GRID2: variants seen among roughly 807,000 people sequenced by gnomAD.
GRID2 encodes the protein glutamate ionotropic receptor delta type subunit 2, also known as glutamate receptor ionotropic, delta-2.
Under a neutral mutation model 114.8 loss-of-function variants are expected in GRID2, and 33 were observed. The observed-to-expected ratio is 0.29, with a 90% CI of 0.22 to 0.38. The LOEUF (loss-of-function observed/expected upper bound fraction) is 0.38, where lower values mean the gene tolerates loss of function less well. Ranked by LOEUF, GRID2 falls within the 10% of genes least tolerant of loss-of-function variation. The pLI is 1.00. For synonymous variants in GRID2, 505 were observed against 449.9 expected (o/e 1.12, Z -1.55); for missense variants, 1,184 against 1,257.7 (o/e 0.94, Z 0.89).
intron 13 of GRID2, among the ~76,000 whole-genome samples, chr4:93,548,004 T>A (rs1733388050): frequency 6.6e-6 from 1 of 151,908 alleles, no homozygotes. Context: ...TGGCGAAACC[T>A]GGTCTCTACT....
At chr4:93,554,031 A>G (rs1342154276) in intron 13 of GRID2, among the ~76,000 whole-genome samples, 1 of 152,166 alleles carries the variant, frequency 6.6e-6, no homozygotes, top group East Asian at 1.9e-4. Flanking sequence ...TTATCTCTAA[A>G]CAAAATGTGT....
intron 1 of GRID2, among the ~76,000 whole-genome samples, chr4:92,558,311 T>A (rs531340706): frequency 3.0e-4 from 45 of 152,268 alleles, no homozygotes; most frequent in Non-Finnish European, 5.4e-4. Flanking sequence ...AAAGGCTATT[T>A]TTTGAAAATG....
chr4:93,273,647 AG>A (rs1043218636), intron 8 of GRID2, among the ~76,000 whole-genome samples: 4 of 152,126 alleles, frequency 2.6e-5, no homozygotes, highest in African/African-American at 9.7e-5. Context: ...GGGACCTAAA[AG>A]GGAAAAAGGG....
chr4:93,085,079 A>T lies in GRID2; in HGVS notation c.329A>T (p.Asp110Val), dbSNP rs764159473. The T allele has an allele frequency of 5.8e-5, 94 of 1,614,032 alleles. No individual in the cohort carries two copies. Among genetic ancestry groups the T allele is most frequent in the Non-Finnish European group, 7.7e-5 (91 of 1,180,002 alleles). The change falls in exon 3 of 16, where the codon GAC (aspartate) becomes GTC (valine). Residue 110 changes from aspartate (D) to valine (V), a missense_variant. This residue lies in a region of GRID2 where 455 missense variants were observed against 429.5 expected (regional missense o/e 1.06). Transcript: ENST00000282020. The stretch of plus-strand genomic sequence containing the variant: ...GCAGGATCCCTCCAGTCTTTGGCAG[A>T]CGCCATGCATATCCCCCACCTCTTC... ...TSAGSLQSLADAMHIPHLFIQ... is the reference protein window; with the variant it reads ...TSAGSLQSLAVAMHIPHLFIQ...
At chr4:93,577,958 A>G (rs1251793754) in intron 13 of GRID2, among the ~76,000 whole-genome samples, 1 of 152,246 alleles carries the variant, frequency 6.6e-6, no homozygotes, top group African/African-American at 2.4e-5. Flanking sequence ...TGTTTGTGCC[A>G]AGAAAATTAC....
chr4:92,620,891 A>G (rs1205028425), intron 2 of GRID2, among the ~76,000 whole-genome samples: 2 of 151,322 alleles, frequency 1.3e-5, no homozygotes, highest in Non-Finnish European at 3.0e-5. Flanking sequence ...ATGTATACAT[A>G]TGTAACAAAC....
chr4:93,643,906 C>T (rs1285128207), intron 14 of GRID2, among the ~76,000 whole-genome samples: 1 of 102,450 alleles, frequency 9.8e-6, no homozygotes, highest in East Asian at 2.1e-4. Context: ...GCGCCCCTCC[C>T]CCAGCCTAGT....
At chr4:93,722,226 T>G (rs1460741649) in intron 14 of GRID2, among the ~76,000 whole-genome samples, 1 of 152,126 alleles carries the variant, frequency 6.6e-6, no homozygotes, top group Non-Finnish European at 1.5e-5. Flanking sequence ...AATAAGTTGT[T>G]AATATTATAC....
chr4:93,455,503 T>G (rs1044575438), intron 10 of GRID2, among the ~76,000 whole-genome samples, 159 bp from the exon 11 acceptor site: 6 of 152,152 alleles, frequency 3.9e-5, no homozygotes, highest in Non-Finnish European at 7.3e-5. Flanking sequence ...AATTCACACA[T>G]AGCTCTTCTG....
intron 11 of GRID2, among the ~76,000 whole-genome samples, chr4:93,477,604 T>C (rs1030780084): frequency 6.6e-6 from 1 of 152,096 alleles, no homozygotes; most frequent in African/African-American, 2.4e-5. Flanking sequence ...AAAAGTAAAC[T>C]TACCAATTCA....
At chr4:93,407,982 C>T (rs1463335786) in intron 9 of GRID2, among the ~76,000 whole-genome samples, 1 of 152,014 alleles carries the variant, frequency 6.6e-6, no homozygotes, top group Non-Finnish European at 1.5e-5. Context: ...GAGTAATGTA[C>T]TTTGCAATTC....
At chr4:93,575,167 A>G (rs1314387181) in intron 13 of GRID2, among the ~76,000 whole-genome samples, 2 of 152,176 alleles carry the variant, frequency 1.3e-5, no homozygotes, top group Non-Finnish European at 2.9e-5. Context: ...CCCACAGCCA[A>G]TGTGTGAGGT....
chr4:93,715,109 A>G (rs936643919), intron 14 of GRID2, among the ~76,000 whole-genome samples: 2 of 152,120 alleles, frequency 1.3e-5, no homozygotes, highest in African/African-American at 2.4e-5. Context: ...ATTTTTGTAT[A>G]TGGTGTAAGG....
At chr4:93,494,614 C>T (rs1405910983) in intron 12 of GRID2, among the ~76,000 whole-genome samples, 1 of 151,648 alleles carries the variant, frequency 6.6e-6, no homozygotes, top group Non-Finnish European at 1.5e-5. Context: ...CATATCCCTT[C>T]AGTGATATGG....
At chr4:92,828,507 G>C (rs1741887622) in intron 2 of GRID2, among the ~76,000 whole-genome samples, 1 of 152,012 alleles carries the variant, frequency 6.6e-6, no homozygotes, top group African/African-American at 2.4e-5. Flanking sequence ...CATTAAGGTA[G>C]ATTTGTCAGA....
At chr4:92,541,962 T>C (rs1373810184) in intron 1 of GRID2, among the ~76,000 whole-genome samples, 75 of 152,126 alleles carry the variant, frequency 4.9e-4, no homozygotes, top group Non-Finnish European at 7.4e-5. Flanking sequence ...TTTTAGAATA[T>C]GATTGTGCTG....
chr4:93,594,536 A>G (rs1738822444), intron 13 of GRID2, among the ~76,000 whole-genome samples: 1 of 152,136 alleles, frequency 6.6e-6, no homozygotes, highest in Non-Finnish European at 1.5e-5. Context: ...CCAGAGGTGG[A>G]GCCTACAGAG....
chr4:93,562,214 G>T (rs886405550), intron 13 of GRID2, among the ~76,000 whole-genome samples: 9 of 150,948 alleles, frequency 6.0e-5, no homozygotes, highest in African/African-American at 2.2e-4. Flanking sequence ...TTTTATTTTG[G>T]CCATTCTAAT....
intron 1 of GRID2, among the ~76,000 whole-genome samples, chr4:92,479,374 T>A (rs563059131): frequency 6.6e-6 from 1 of 152,300 alleles, no homozygotes; most frequent in South Asian, 2.1e-4. Flanking sequence ...TTTTACCTAT[T>A]ACAAACTGTG....
Sources: allele counts gnomAD v4.1 joint callset (sites outside exome capture counted in the v4.1 genomes callset), GRCh38; gene constraint gnomAD v4.1.1; regional missense constraint gnomAD v4.1.1; transcripts MANE v1.5; gene names NCBI Gene and HGNC (gene_info 2026-07-23, HGNC 2026-07-21).